The following KDM5B variants were observed in gnomAD, a reference collection of about 807,000 sequenced individuals.
KDM5B encodes the protein lysine demethylase 5B, also known as lysine-specific demethylase 5B.
A neutral mutation model predicts 193.4 loss-of-function variants in KDM5B; 144 were observed. The ratio of observed to expected loss-of-function variants is 0.74; its 90% CI spans 0.65 to 0.86. The LOEUF (loss-of-function observed/expected upper bound fraction) is 0.86. KDM5B is among the 40% of genes least tolerant of loss of function. The probability of loss-of-function intolerance (pLI) is 0.00; values close to 1 mark genes in which losing one functional copy is unlikely to be tolerated. For missense variants in KDM5B, 1,833 were observed against 1,886.9 expected (o/e 0.97, Z 0.53); for synonymous variants, 668 against 682.6 (o/e 0.98, Z 0.33).
chr1:202,733,651 TG>T lies in KDM5B; in HGVS notation c.3658del (p.His1220IlefsTer10). ...SQGLRIWLCPHCRRSEKPPLE... is the reference protein window; with the variant it reads ...SQGLRIWLCPXCRRSEKPPLE... ...TGGAGGTTTCTCTGACCTCCGACAA[TG>T]GGGACAAAGCCAGATTCGCAGGCCC... is the stretch of plus-strand genomic sequence containing the variant. On this transcript the variant is annotated frameshift_variant, in exon 23 of 27. Transcript: ENST00000367265. LOFTEE classifies it high-confidence loss of function. 1 of 1,614,026 alleles carries T rather than the reference TG, an allele frequency of 6.2e-7. No individual in the cohort carries two copies. The highest frequency in any genetic ancestry group is 8.5e-7 in the Non-Finnish European group (1 of 1,179,980).
At chr1:202,774,073 G>A (rs369330795) in intron 3 of KDM5B, among the ~76,000 whole-genome samples, 74 of 152,128 alleles carry the variant, frequency 4.9e-4, no homozygotes, top group African/African-American at 1.7e-3. Context: ...ATCACCCTGA[G>A]CCTCAGTTTC....
rs1205275462 is a variant in KDM5B at position 202,788,765 on chromosome 1, CA to C, written c.205-11672del. Among the ~76,000 whole-genome samples the C allele has an allele frequency of 3.9e-5, 6 of 152,262 alleles. No individual in the cohort carries two copies. In the South Asian group the frequency reaches 1.0e-3, roughly 26 times the overall value. Reference sequence around the variant, plus strand: ...TGCCTATATCAAGCCATGCTGTAATCAAGTATATATAATTTCACAGCTTTTC... The same window carrying C: ...TGCCTATATCAAGCCATGCTGTAATCAGTATATATAATTTCACAGCTTTTC... On this transcript the variant is annotated intron_variant, in intron 1 of 26. Coordinates refer to ENST00000367265, the MANE Select transcript of KDM5B (RefSeq NM_006618.5).
At position 202,808,365 on chromosome 1, in the gene KDM5B, C is replaced by T; in HGVS notation, c.-60G>A. On this transcript the variant is annotated 5_prime_UTR_variant, in exon 1 of 27. Transcript: ENST00000367265. ...GCTCCGGGACCGAGGCTGCGAGCTCCGCTCGGTCCGAGACCCGTGCAGACG... is the reference window on the plus strand; with the variant it reads ...GCTCCGGGACCGAGGCTGCGAGCTCTGCTCGGTCCGAGACCCGTGCAGACG... 1 of 1,452,080 alleles carries T rather than the reference C, an allele frequency of 6.9e-7. No homozygotes were observed. Among genetic ancestry groups the T allele is most frequent in the South Asian group, 1.4e-5 (1 of 73,528 alleles). 89.9% of individuals were successfully genotyped at this position (1,452,080 alleles called of 1,614,324 possible). A position where few individuals can be genotyped will look rare whatever the true frequency, so the allele number is the denominator to read the frequency against.
intron 24 of KDM5B, among the ~76,000 whole-genome samples, chr1:202,731,598 T>G (rs548372396): frequency 6.6e-6 from 1 of 152,352 alleles, no homozygotes; most frequent in South Asian, 2.1e-4. Flanking sequence ...TGGTGTGGCA[T>G]GAACCCTTTC....
chr1:202,760,287 G>A, intron 8 of KDM5B, 128 bp downstream of exon 8: 1 of 654,138 alleles, frequency 1.5e-6, no homozygotes, highest in Non-Finnish European at 2.5e-6. Flanking sequence ...CTGCACTCCA[G>A]CCTGGGCAAC....
In KDM5B at chr1:202,774,764, T is replaced by A. The variant is rs17497253; in HGVS notation, c.283-29A>T. Reference sequence around the variant, plus strand: ...AAAGACAAAGAATTGAGTTTTCATCTCATTTAGCTTATTTTAAAGCTCCTA... The same window carrying A: ...AAAGACAAAGAATTGAGTTTTCATCACATTTAGCTTATTTTAAAGCTCCTA... On this transcript the variant is annotated intron_variant, in intron 2 of 26. Transcript: ENST00000367265. The A allele has an allele frequency of 1.9e-6, 3 of 1,601,686 alleles. No homozygotes were observed. In the South Asian group the frequency reaches 3.3e-5, roughly 18 times the overall value.
chr1:202,779,847 A>ATAAATAAATAAAAAAT (rs199618695), intron 1 of KDM5B, among the ~76,000 whole-genome samples: 1 of 147,954 alleles, frequency 6.8e-6, no homozygotes, highest in African/African-American at 2.5e-5. Flanking sequence ...AAATAAATAA[A>ATAAATAAATAAAAAAT]AAATAAAGGA....
chr1:202,744,480 C>T (rs1048633943), intron 16 of KDM5B, among the ~76,000 whole-genome samples: 3 of 152,136 alleles, frequency 2.0e-5, no homozygotes, highest in Non-Finnish European at 4.4e-5. Flanking sequence ...ATTGCTTGAA[C>T]CCAGGAGGTG....
intron 11 of KDM5B, among the ~76,000 whole-genome samples, chr1:202,753,593 T>G (rs1655883248): frequency 6.6e-6 from 1 of 151,598 alleles, no homozygotes; most frequent in Non-Finnish European, 1.5e-5. Context: ...CTGAAGTCCC[T>G]CTCCCCACTC....
intron 19 of KDM5B, among the ~76,000 whole-genome samples, chr1:202,741,020 T>C (rs544746571): frequency 6.6e-6 from 1 of 152,308 alleles, no homozygotes; most frequent in Admixed American, 6.5e-5. Flanking sequence ...TTAAGACTCC[T>C]TGGAACCGTA....
intron 25 of KDM5B, among the ~76,000 whole-genome samples, chr1:202,730,416 C>A (rs997455666): frequency 6.6e-6 from 1 of 152,200 alleles, no homozygotes; most frequent in African/African-American, 2.4e-5. Context: ...GACCTACAGG[C>A]TCCTGAGGAA....
intron 12 of KDM5B, among the ~76,000 whole-genome samples, chr1:202,751,150 A>G (rs551461204): frequency 6.6e-6 from 1 of 152,248 alleles, no homozygotes; most frequent in South Asian, 2.1e-4. Context: ...AGAATCTCAT[A>G]ACATACAGAG....
At chr1:202,781,716 T>C (rs72750697) in intron 1 of KDM5B, among the ~76,000 whole-genome samples, 1,680 of 152,306 alleles carry the variant, frequency 0.011, 17 homozygotes, top group Non-Finnish European at 0.016. Context: ...ATAAAAGCTG[T>C]TGGTTTTCAG....
Position 202,740,675 on chromosome 1 carries a change from T to C in KDM5B, c.3083A>G (p.Gln1028Arg), listed in dbSNP as rs1464169565. ...RDWLQDVEGLQAGGRVPVLDT... is the reference protein window; with the variant it reads ...RDWLQDVEGLRAGGRVPVLDT... ...CTGTATATACTTTTTAAAACCAACC[T>C]GCAGGCCCTCTACATCCTGAAGCCA... Residue 1028 changes from glutamine to arginine, a missense_variant and splice_region_variant, in exon 20 of 27, where the codon CAG becomes CGG. Coordinates refer to ENST00000367265, the MANE Select transcript of KDM5B (RefSeq NM_006618.5). The C allele has an allele frequency of 6.2e-7, 1 of 1,610,326 alleles. No homozygotes were observed. Among genetic ancestry groups the C allele is most frequent in the Non-Finnish European group, 8.5e-7 (1 of 1,178,528 alleles).
intron 4 of KDM5B, 116 bp from the exon 5 acceptor site, chr1:202,767,176 T>C: frequency 6.5e-7 from 1 of 1,541,568 alleles, no homozygotes; most frequent in Non-Finnish European, 9.0e-7. Context: ...TTCCAGAGGC[T>C]GCACCTCTTA....
In KDM5B at chr1:202,728,884, A is replaced by T. The variant is rs1387636789; in HGVS notation, c.*152T>A. ...TAGTTGTTTTTTCTTTTCTTCAAAG[A>T]GTCCTGGAAAAATGATCCCATAAGG... On this transcript the variant is annotated 3_prime_UTR_variant, in exon 27 of 27. Transcript: ENST00000367265. 2.4e-6 allele frequency: 2 copies of T among 832,706 alleles called. No individual in the cohort carries two copies. The highest frequency in any genetic ancestry group is 2.5e-5 in the Admixed American group (1 of 39,412). The allele number at this position is 832,706 out of a possible 1,614,324, so 51.6% of individuals were successfully genotyped here. A position where few individuals can be genotyped will look rare whatever the true frequency, so the allele number is the denominator to read the frequency against.
chr1:202,733,997 C>G, intron 22 of KDM5B, 111 bp from the exon 23 acceptor site: 1 of 1,300,468 alleles, frequency 7.7e-7, no homozygotes, highest in South Asian at 1.4e-5. Context: ...CATCTGTATT[C>G]AAATCCTGAC....
In KDM5B at chr1:202,755,301, T is replaced by G. The variant is rs762532968; in HGVS notation, c.1508A>C (p.His503Pro). 1 of 1,614,154 alleles carries G rather than the reference T, an allele frequency of 6.2e-7. No individual in the cohort carries two copies. Among genetic ancestry groups the G allele is most frequent in the Non-Finnish European group, 8.5e-7 (1 of 1,179,982 alleles). ...CAAGTAGTTAATTGAATAGCTCCAG[T>G]GGTCTTCAATGTGCCAACAGAATGA... is the stretch of plus-strand genomic sequence containing the variant. Reference protein sequence around the residue: ...FSSFCWHIEDHWSYSINYLHW... With the variant: ...FSSFCWHIEDPWSYSINYLHW... Residue 503 changes from histidine to proline, a missense_variant, in exon 11 of 27, where the codon CAC becomes CCC. His to Pro is a moderately conservative substitution (Grantham distance 77, BLOSUM62 -2). Around this residue, in one of 3 missense-constraint regions of KDM5B, gnomAD observed 1,379 missense variants for 1,349.6 expected, o/e 1.02. Coordinates refer to ENST00000367265, the MANE Select transcript of KDM5B (RefSeq NM_006618.5).
At chr1:202,772,683 C>T (rs1187812470) in intron 4 of KDM5B, among the ~76,000 whole-genome samples, 1 of 151,654 alleles carries the variant, frequency 6.6e-6, no homozygotes, top group Non-Finnish European at 1.5e-5. Context: ...GGAAAAAACA[C>T]AAAACAAGGT....
Sources: allele counts gnomAD v4.1 joint callset (sites outside exome capture counted in the v4.1 genomes callset), GRCh38; gene constraint gnomAD v4.1.1; regional missense constraint gnomAD v4.1.1; transcripts MANE v1.5; gene names NCBI Gene and HGNC (gene_info 2026-07-23, HGNC 2026-07-21).